The following TMCO4 variants were observed in gnomAD, a reference collection of about 807,000 sequenced individuals.
TMCO4 encodes transmembrane and coiled-coil domains 4.
TMCO4 carries 58 observed loss-of-function variants against 64.7 expected under a neutral mutation model. That is an observed-to-expected ratio of 0.90 (90% CI 0.73 to 1.12). The LOEUF (loss-of-function observed/expected upper bound fraction) is 1.12. Among genes scored for constraint, TMCO4 ranks in the 50% most tolerant of loss-of-function variants. The pLI is 0.00. For missense variants in TMCO4, 780 were observed against 825.9 expected (o/e 0.94, Z 0.68); for synonymous variants, 325 against 346.1 (o/e 0.94, Z 0.68).
intron 4 of TMCO4, among the ~76,000 whole-genome samples, chr1:19,779,707 C>A (rs902406048): frequency 2.0e-5 from 3 of 152,212 alleles, no homozygotes; most frequent in Non-Finnish European, 4.4e-5. Context: ...CTGGGCCTTG[C>A]TCGTCTTTGT....
rs769973678 is a variant in TMCO4, at chr1:19,755,623, G to T, written c.515+11C>A. 1 of 1,613,602 alleles carries T rather than the reference G, an allele frequency of 6.2e-7. No individual in the cohort carries two copies. The highest frequency in any genetic ancestry group is 1.7e-5 in the Admixed American group (1 of 59,966). On this transcript the variant is annotated intron_variant, in intron 7 of 15. Coordinates refer to ENST00000294543, the MANE Select transcript of TMCO4 (RefSeq NM_181719.7). ...CCTTGGATCCTGATGGGGGTCGCGG[G>T]GCTCTCTTACTCAGATTCCTCTTCT...
chr1:19,746,975 T>TACC (rs1197638924), intron 8 of TMCO4, among the ~76,000 whole-genome samples, 188 bp downstream of exon 8: 1 of 144,778 alleles, frequency 6.9e-6, no homozygotes, highest in Non-Finnish European at 1.5e-5. Flanking sequence ...ACCCCTCAGC[T>TACC]ACCTACTGCC....
At chr1:19,702,684 A>C (rs1235902113) in intron 13 of TMCO4, among the ~76,000 whole-genome samples, 4 of 152,152 alleles carry the variant, frequency 2.6e-5, no homozygotes, top group Admixed American at 2.6e-4. Context: ...AGATTGCTTG[A>C]GCCCAGGAGT....
chr1:19,758,282 C>T (rs1330560117), intron 6 of TMCO4, among the ~76,000 whole-genome samples: 3 of 151,796 alleles, frequency 2.0e-5, no homozygotes, highest in Admixed American at 6.6e-5. Flanking sequence ...TGGGGACAGA[C>T]ACCACATGCT....
At chr1:19,772,927 C>T (rs61768335) in intron 4 of TMCO4, among the ~76,000 whole-genome samples, 17,801 of 152,180 alleles carry the variant, frequency 0.12, 1,139 homozygotes, top group Non-Finnish European at 0.13. Context: ...CAGTGGCTCA[C>T]GCCTGTAATC....
At chr1:19,788,662 T>C (rs764265708) in intron 2 of TMCO4, among the ~76,000 whole-genome samples, 1 of 152,190 alleles carries the variant, frequency 6.6e-6, no homozygotes, top group Non-Finnish European at 1.5e-5. Context: ...GAGATTGGCA[T>C]GTTGGGAATA....
intron 2 of TMCO4, among the ~76,000 whole-genome samples, chr1:19,789,428 T>TA (rs1463138873): frequency 2.0e-5 from 3 of 151,842 alleles, no homozygotes; most frequent in African/African-American, 4.8e-5. Context: ...AATAAATAAA[T>TA]AACAAAACAT....
At chr1:19,699,153 A>T (rs987926270) in intron 14 of TMCO4, among the ~76,000 whole-genome samples, 9 of 152,040 alleles carry the variant, frequency 5.9e-5, no homozygotes, top group Non-Finnish European at 1.2e-4. Context: ...CTGAGATTGC[A>T]ACACTGCACT....
intron 14 of TMCO4, among the ~76,000 whole-genome samples, chr1:19,698,020 A>G (rs994010657): frequency 1.3e-5 from 2 of 152,056 alleles, no homozygotes; most frequent in African/African-American, 4.8e-5. Flanking sequence ...AAAAGCAGAG[A>G]GCTCCCTGAG....
intron 13 of TMCO4, among the ~76,000 whole-genome samples, chr1:19,719,118 A>C (rs536457607): frequency 1.3e-5 from 2 of 152,344 alleles, no homozygotes; most frequent in East Asian, 3.9e-4. Flanking sequence ...TCAATCAGGC[A>C]GGCACCTTAT....
chr1:19,719,290 C>G (rs940303384), intron 13 of TMCO4, among the ~76,000 whole-genome samples: 3 of 152,148 alleles, frequency 2.0e-5, no homozygotes, highest in Non-Finnish European at 4.4e-5. Context: ...AACTCTCAGA[C>G]AGAAGAAGTC....
chr1:19,786,614 C>T (rs2043757049), intron 3 of TMCO4, among the ~76,000 whole-genome samples: 1 of 152,162 alleles, frequency 6.6e-6, no homozygotes. Context: ...CAGGCAGGGC[C>T]AAGTTCGTCT....
chr1:19,722,525 G>A (rs182819493), intron 13 of TMCO4, among the ~76,000 whole-genome samples: 5 of 152,344 alleles, frequency 3.3e-5, no homozygotes, highest in Non-Finnish European at 7.3e-5. Flanking sequence ...TAGGGGACTT[G>A]CACAGGGTCA....
chr1:19,712,189 C>T (rs1248444628), intron 13 of TMCO4, among the ~76,000 whole-genome samples: 1 of 152,210 alleles, frequency 6.6e-6, no homozygotes, highest in African/African-American at 2.4e-5. Flanking sequence ...AGGTGGGGAA[C>T]AGCCAGCTGG....
chr1:19,787,284 C>A (rs1255679143), intron 2 of TMCO4, among the ~76,000 whole-genome samples, 167 bp from the exon 3 acceptor site: 1 of 152,226 alleles, frequency 6.6e-6, no homozygotes, highest in Non-Finnish European at 1.5e-5. Context: ...GTGGGGTGCT[C>A]TTCTCAATAG....
At chr1:19,784,316 T>C (rs745876965) in intron 3 of TMCO4, among the ~76,000 whole-genome samples, 13 of 151,844 alleles carry the variant, frequency 8.6e-5, no homozygotes, top group African/African-American at 3.1e-4. Flanking sequence ...GGTGGATCAC[T>C]TGAGGTCAAG....
Position 19,682,711 on chromosome 1 carries a change from A to G in TMCO4, c.*329T>C. 1.4e-6 allele frequency: 1 copy of G among 717,834 alleles called. No individual in the cohort carries two copies. Among genetic ancestry groups the G allele is most frequent in the Non-Finnish European group, 2.6e-6 (1 of 385,276 alleles). 44.5% of individuals were successfully genotyped at this position (717,834 alleles called of 1,614,324 possible). A position where few individuals can be genotyped will look rare whatever the true frequency, so the allele number is the denominator to read the frequency against. On this transcript the variant is annotated 3_prime_UTR_variant, in exon 16 of 16. Transcript: ENST00000294543. The stretch of plus-strand genomic sequence containing the variant: ...ACCTCCTGATGGACAGCCAGACTCC[A>G]AAGCTATGAGAAGTACAGAAAGCCC...
intron 13 of TMCO4, among the ~76,000 whole-genome samples, chr1:19,724,143 C>T (rs1262121353): frequency 1.3e-5 from 2 of 152,176 alleles, no homozygotes; most frequent in Admixed American, 1.3e-4. Flanking sequence ...TAACTCACTC[C>T]CCTGAGAGCT....
rs1286360566 is a variant in TMCO4, at chr1:19,734,575, A to AC, written c.1264+2796dup. Among the ~76,000 whole-genome samples the AC allele has an allele frequency of 3.3e-5, 5 of 151,478 alleles. No individual in the cohort carries two copies. The highest frequency in any genetic ancestry group is 7.4e-5 in the Non-Finnish European group (5 of 67,844). On this transcript the variant is annotated intron_variant, in intron 13 of 15. Transcript: ENST00000294543. The surrounding 1 kb of genome is among the most constrained non-coding windows in gnomAD (Gnocchi z 4.4). ...GGCACAGTGCCAGGCTCCCACCCTG[A>AC]CCTATTAGCATTTCCCACCAACCCA...
Sources: allele counts gnomAD v4.1 joint callset (sites outside exome capture counted in the v4.1 genomes callset), GRCh38; gene constraint gnomAD v4.1.1; non-coding constraint Gnocchi (gnomAD v3.1); transcripts MANE v1.5; gene names NCBI Gene and HGNC (gene_info 2026-07-23, HGNC 2026-07-21).